FIP1L1: variants seen among roughly 807,000 people sequenced by gnomAD.
FIP1L1 encodes factor interacting with PAPOLA and CPSF1, also known as pre-mRNA 3'-end-processing factor FIP1.
A neutral mutation model predicts 84.6 loss-of-function variants in FIP1L1; 21 were observed. The observed-to-expected ratio is 0.25, with a 90% CI of 0.18 to 0.36. The LOEUF is 0.36. Ranked by LOEUF, FIP1L1 falls within the 10% of genes least tolerant of loss-of-function variation. The pLI is 1.00. For missense variants in FIP1L1, 526 were observed against 751.1 expected, an observed-to-expected ratio of 0.70 and a Z score of 3.50; for synonymous variants, 263 against 242.3, an observed-to-expected ratio of 1.09 and a Z score of -0.80.
At chr4:53,435,903 G>C (rs932258274) in intron 13 of FIP1L1, among the ~76,000 whole-genome samples, 11 of 152,142 alleles carry the variant, frequency 7.2e-5, no homozygotes, top group Non-Finnish European at 1.6e-4. Flanking sequence ...GGTAGAAGGT[G>C]ATATTTAAAG....
intron 11 of FIP1L1, among the ~76,000 whole-genome samples, chr4:53,421,010 T>G (rs574290542): frequency 6.6e-6 from 1 of 152,296 alleles, no homozygotes; most frequent in African/African-American, 2.4e-5. Flanking sequence ...TTCAAAAAAG[T>G]ATTGATGCTG....
intron 3 of FIP1L1, among the ~76,000 whole-genome samples, chr4:53,379,900 T>C (rs1736883325): frequency 6.6e-6 from 1 of 152,200 alleles, no homozygotes; most frequent in Non-Finnish European, 1.5e-5. Flanking sequence ...GTGTCTGTAA[T>C]GGAGGGAGAG....
In FIP1L1 at chr4:53,408,637, A is replaced by T. The variant is rs183697913; in HGVS notation, c.816-5978A>T. 3.3e-5 allele frequency among the ~76,000 whole-genome samples: 5 copies of T among 152,276 alleles called. No homozygotes were observed. The East Asian group carries it at 5.8e-4, about 18-fold the overall frequency. Reference sequence around the variant, plus strand: ...CCCGTCACTTTCAGGTACACCAATCAGATGTAGATTTGGTCTTTTCACATA... The same window carrying T: ...CCCGTCACTTTCAGGTACACCAATCTGATGTAGATTTGGTCTTTTCACATA... On this transcript the variant is annotated intron_variant, in intron 10 of 17. Coordinates refer to ENST00000337488, the MANE Select transcript of FIP1L1 (RefSeq NM_030917.4).
In FIP1L1 at chr4:53,414,729, C is replaced by T. The variant is rs1185445801; in HGVS notation, c.923+7C>T. 1.9e-6 allele frequency: 3 copies of T among 1,580,116 alleles called. No homozygotes were observed. The highest frequency in any genetic ancestry group is 4.5e-5 in the East Asian group (2 of 44,672). On this transcript the variant is annotated splice_region_variant and intron_variant, in intron 11 of 17. Coordinates refer to ENST00000337488, the MANE Select transcript of FIP1L1 (RefSeq NM_030917.4). Reference sequence around the variant, plus strand: ...CCGAATCACCTGATCTAAGGTAAGGCTATTTTTAAACATTGGATACTCCCT... The same window carrying T: ...CCGAATCACCTGATCTAAGGTAAGGTTATTTTTAAACATTGGATACTCCCT...
chr4:53,432,888 T>A (rs1767397125), intron 13 of FIP1L1, among the ~76,000 whole-genome samples: 2 of 152,054 alleles, frequency 1.3e-5, no homozygotes, highest in Non-Finnish European at 2.9e-5. Flanking sequence ...CTTTTTTTTT[T>A]AAAGCATTTC....
chr4:53,381,753 CTTTTTTTTTTTTTTT>C (rs531488760), intron 3 of FIP1L1, among the ~76,000 whole-genome samples: 2 of 87,950 alleles, frequency 2.3e-5, no homozygotes, highest in African/African-American at 1.1e-4. Flanking sequence ...CATTTGCATT[CTTTTTTTTTTTTTTT>C]TTTTTTTTTG....
At position 53,453,498 on chromosome 4, in the gene FIP1L1, C is replaced by T. The variant is rs530053810; in HGVS notation, c.1499+365C>T. Among the ~76,000 whole-genome samples, 8 of 152,198 alleles carry T rather than the reference C, an allele frequency of 5.3e-5. No homozygotes were observed. The South Asian group carries it at 6.2e-4, about 12-fold the overall frequency. ...TCTATTATTATTCTATTTTTAGAGA[C>T]GGTCTTGCTTTGTCATCCAGGCTGG... On this transcript the variant is annotated intron_variant, in intron 16 of 17. Transcript: ENST00000337488.
At chr4:53,397,634 A>C (rs867385768) in intron 9 of FIP1L1, among the ~76,000 whole-genome samples, 1 of 152,242 alleles carries the variant, frequency 6.6e-6, no homozygotes, top group South Asian at 2.1e-4. Context: ...AAACCAAACA[A>C]TCTGTAAATA....
intron 10 of FIP1L1, among the ~76,000 whole-genome samples, chr4:53,409,363 C>T (rs1238088192): frequency 6.6e-6 from 1 of 152,134 alleles, no homozygotes; most frequent in East Asian, 1.9e-4. Flanking sequence ...GACGTTTTGC[C>T]TCAGAGGAGT....
At chr4:53,430,600 G>C (rs1036328028) in intron 13 of FIP1L1, among the ~76,000 whole-genome samples, 2 of 151,924 alleles carry the variant, frequency 1.3e-5, no homozygotes, top group African/African-American at 4.8e-5. Context: ...GCCTCCCAAA[G>C]TACTGGCATT....
chr4:53,453,015 C>A lies in FIP1L1; in HGVS notation c.1381C>A (p.Arg461=), dbSNP rs1162524758. 2 of 1,612,788 alleles carry A rather than the reference C, an allele frequency of 1.2e-6. No homozygotes were observed. Among genetic ancestry groups the A allele is most frequent in the African/African-American group, 2.7e-5 (2 of 74,704 alleles). ...WDYYARREKD[R]DRERDRDRER... ...CTATTATGCCAGAAGAGAGAAAGAC[C>A]GAGATAGAGAGAGAGACAGAGACAG... Residue 461 remains arginine (R), a synonymous_variant, in exon 16 of 18, where the codon CGA becomes AGA. Coordinates refer to ENST00000337488, the MANE Select transcript of FIP1L1 (RefSeq NM_030917.4).
At chr4:53,428,493 C>G (rs1032797083) in intron 13 of FIP1L1, among the ~76,000 whole-genome samples, 1 of 151,806 alleles carries the variant, frequency 6.6e-6, no homozygotes, top group African/African-American at 2.4e-5. Context: ...CAAACTTTAC[C>G]AGTGTTAATT....
At position 53,427,073 on chromosome 4, in the gene FIP1L1, T is replaced by C. The variant is rs1192198466; in HGVS notation, c.1018-954T>C. 3.3e-5 allele frequency among the ~76,000 whole-genome samples: 5 copies of C among 152,174 alleles called. No homozygotes were observed. The East Asian group carries it at 9.6e-4, about 29-fold the overall frequency. On this transcript the variant is annotated intron_variant, in intron 12 of 17. Transcript: ENST00000337488. ...TCATTTCTATAGTGGAAGATGTTAGTCCATTTTTCCTTTCCCCTTACCATT... is the reference window on the plus strand; with the variant it reads ...TCATTTCTATAGTGGAAGATGTTAGCCCATTTTTCCTTTCCCCTTACCATT...
chr4:53,444,727 G>A (rs189209894), intron 15 of FIP1L1, among the ~76,000 whole-genome samples: 4 of 152,060 alleles, frequency 2.6e-5, no homozygotes, highest in East Asian at 3.9e-4. Context: ...GACTACAGGC[G>A]TGCATCACCA....
intron 11 of FIP1L1, among the ~76,000 whole-genome samples, chr4:53,420,208 A>AAAC (rs1761698001): frequency 6.8e-6 from 1 of 146,586 alleles, no homozygotes; most frequent in Non-Finnish European, 1.5e-5. Flanking sequence ...AAAAAAAAAA[A>AAAC]AAAAAAAAAA....
Position 53,428,083 on chromosome 4 carries a change from G to T in FIP1L1, c.1074G>T (p.Pro358=). 1 of 1,610,062 alleles carries T rather than the reference G, an allele frequency of 6.2e-7. No individual in the cohort carries two copies. Among genetic ancestry groups the T allele is most frequent in the South Asian group, 1.1e-5 (1 of 90,608 alleles). ...ACAACAATTTTAGCAAACCACCTCC[G>T]TTTTTCCCTCCAGGAGCTCCTCCCA... The part of the protein sequence containing the change: ...EVDNNFSKPP[P]FFPPGAPPTH... The change falls in exon 13 of 18, where the codon CCG becomes CCT. Residue 358 remains proline (P), a synonymous_variant. Transcript: ENST00000337488.
intron 11 of FIP1L1, among the ~76,000 whole-genome samples, chr4:53,419,066 G>T (rs2149834928): frequency 6.6e-6 from 1 of 152,224 alleles, no homozygotes; most frequent in South Asian, 2.1e-4. Context: ...GTAGAGCTGT[G>T]TCTTTTCCTA....
chr4:53,457,780 TAAAAA>T (rs1229566127), intron 16 of FIP1L1, among the ~76,000 whole-genome samples: 3 of 151,010 alleles, frequency 2.0e-5, no homozygotes, highest in East Asian at 3.9e-4. Flanking sequence ...ATGCTAAACA[TAAAAA>T]AAGAAAAAGG....
chr4:53,389,862 A>T lies in FIP1L1; in HGVS notation c.386A>T (p.Tyr129Phe), dbSNP rs1456349189. The change falls in exon 6 of 18, where the codon TAT (tyrosine) becomes TTT (phenylalanine). Residue 129 changes from tyrosine (Y) to phenylalanine (F), a missense_variant. Tyr to Phe is a conservative substitution (Grantham distance 22). Transcript: ENST00000337488. Reference sequence around the variant, plus strand: ...AACATCAAGACAGGGGGAAGAGTTTATGGAACTACAGGTAAAATTTGTATT... The same window carrying T: ...AACATCAAGACAGGGGGAAGAGTTTTTGGAACTACAGGTAAAATTTGTATT... The part of the protein sequence containing the change: ...NLNIKTGGRV[Y>F]GTTGTKVKGV... 6.2e-7 allele frequency: 1 copy of T among 1,601,400 alleles called. No homozygotes were observed. The highest frequency in any genetic ancestry group is 1.1e-5 in the South Asian group (1 of 88,072).
Sources: gnomAD v4.1 joint callset for allele counts (sites outside exome capture counted in the v4.1 genomes callset) on GRCh38, gnomAD v4.1.1 for gene constraint, MANE v1.5 for transcripts, NCBI Gene and HGNC (gene_info 2026-07-23, HGNC 2026-07-21) for gene names.